The following COL24A1 variants were observed in gnomAD, a reference collection of about 807,000 sequenced individuals.
COL24A1 encodes the protein collagen alpha-1(XXIV) chain.
COL24A1 carries 224 observed loss-of-function variants against 253.9 expected under a neutral mutation model. The observed-to-expected ratio is 0.88, with a 90% CI of 0.79 to 0.99. The LOEUF (loss-of-function observed/expected upper bound fraction) is 0.99. COL24A1 is among the 50% of genes least tolerant of loss of function. COL24A1 has a pLI of 0.00. For missense variants in COL24A1, 2,131 were observed against 2,068.5 expected (o/e 1.03, Z -0.59); for synonymous variants, 685 against 673.7 (o/e 1.02, Z -0.26).
chr1:85,988,130 G>T (rs1693897660), intron 19 of COL24A1, among the ~76,000 whole-genome samples: 1 of 150,632 alleles, frequency 6.6e-6, no homozygotes. Flanking sequence ...CAAAATTATG[G>T]CTTAATATAC....
chr1:85,971,305 T>G, intron 21 of COL24A1, 35 bp downstream of exon 21: 1 of 1,590,910 alleles, frequency 6.3e-7, no homozygotes, highest in Non-Finnish European at 8.6e-7. Context: ...ACTAAAAACC[T>G]TGCTGAAGCT....
At chr1:85,839,844 T>C (rs2102232506) in intron 42 of COL24A1, among the ~76,000 whole-genome samples, 1 of 152,262 alleles carries the variant, frequency 6.6e-6, no homozygotes, top group East Asian at 1.9e-4. Context: ...TCCTGAATAT[T>C]TCTAATAGAA....
chr1:86,126,338 C>A, intron 2 of COL24A1, 124 bp from the exon 3 acceptor site: 1 of 769,080 alleles, frequency 1.3e-6, no homozygotes. Flanking sequence ...TAAGCATGTT[C>A]TATCAATAAC....
intron 5 of COL24A1, among the ~76,000 whole-genome samples, chr1:86,110,015 C>T (rs996896099): frequency 6.6e-6 from 1 of 152,166 alleles, no homozygotes; most frequent in South Asian, 2.1e-4. Context: ...CTTGGACTTC[C>T]CAGGCTCCAG....
At chr1:85,873,428 G>C (rs1321814171) in intron 35 of COL24A1, among the ~76,000 whole-genome samples, 4 of 152,076 alleles carry the variant, frequency 2.6e-5, no homozygotes, top group African/African-American at 9.7e-5. Flanking sequence ...GCAAAGACTT[G>C]GAACCAACCC....
At chr1:86,092,410 T>C in intron 5 of COL24A1, 90 bp from the exon 6 acceptor site, 1 of 880,510 alleles carries the variant, frequency 1.1e-6, no homozygotes, top group Non-Finnish European at 1.8e-6. Context: ...AGATGTTATA[T>C]ACATTATATG....
chr1:85,947,865 G>C (rs1182830780), intron 24 of COL24A1, among the ~76,000 whole-genome samples: 1 of 151,828 alleles, frequency 6.6e-6, no homozygotes, highest in Non-Finnish European at 1.5e-5. Flanking sequence ...CTCCACCACA[G>C]AAGTTTTATG....
chr1:86,075,382 A>T (rs1702176963), intron 7 of COL24A1, among the ~76,000 whole-genome samples: 1 of 152,190 alleles, frequency 6.6e-6, no homozygotes, highest in African/African-American at 2.4e-5. Flanking sequence ...ACGAGTTCTG[A>T]AATTGAGGCA....
chr1:85,768,224 C>A (rs1260378343), intron 53 of COL24A1, among the ~76,000 whole-genome samples: 1 of 151,532 alleles, frequency 6.6e-6, no homozygotes, highest in Non-Finnish European at 1.5e-5. Context: ...AATGGTACAT[C>A]AGGACACTGG....
At chr1:85,806,981 A>C (rs939044203) in intron 47 of COL24A1, among the ~76,000 whole-genome samples, 3 of 152,236 alleles carry the variant, frequency 2.0e-5, no homozygotes, top group Non-Finnish European at 4.4e-5. Flanking sequence ...TTCTATGCTA[A>C]GATAAGAGCA....
intron 43 of COL24A1, among the ~76,000 whole-genome samples, chr1:85,832,555 T>TGA (rs1163096200): frequency 6.6e-6 from 1 of 150,974 alleles, no homozygotes; most frequent in Non-Finnish European, 1.5e-5. Context: ...TTCCTACCCA[T>TGA]GAGCATGGAA....
chr1:86,059,228 G>T, intron 8 of COL24A1, 54 bp from the exon 9 acceptor site: 1 of 1,342,352 alleles, frequency 7.4e-7, no homozygotes, highest in Non-Finnish European at 1.0e-6. Context: ...AACAAATTTG[G>T]TATATTTACA....
At chr1:85,943,428 C>T (rs562941453) in intron 24 of COL24A1, among the ~76,000 whole-genome samples, 78 of 152,314 alleles carry the variant, frequency 5.1e-4, no homozygotes, top group Non-Finnish European at 8.1e-4. Context: ...TCTGAAGAAT[C>T]CTGACTAACA....
At position 86,055,850 on chromosome 1, in the gene COL24A1, C is replaced by T. The variant is rs188316172; in HGVS notation, c.1851+2081G>A. Among the ~76,000 whole-genome samples, 620 of 152,144 alleles carry T rather than the reference C, an allele frequency of 4.1e-3. 3 individuals are homozygous for T. Among genetic ancestry groups the T allele is most frequent in the African/African-American group, 0.011 (460 of 41,480 alleles). On this transcript the variant is annotated intron_variant, in intron 10 of 59. Coordinates refer to ENST00000370571, the MANE Select transcript of COL24A1 (RefSeq NM_152890.7). ...AAAAGAAGTATTAAGGGGCTGAGCA[C>T]GGTGGCTCACACCTGTAATCCCAGC...
At chr1:85,777,381 G>A (rs1439581547) in intron 52 of COL24A1, among the ~76,000 whole-genome samples, 2 of 151,912 alleles carry the variant, frequency 1.3e-5, no homozygotes, top group African/African-American at 2.4e-5. Flanking sequence ...ATACATTTAT[G>A]TATGTATGAG....
At chr1:85,940,819 G>A (rs1227115574) in intron 24 of COL24A1, among the ~76,000 whole-genome samples, 1 of 152,146 alleles carries the variant, frequency 6.6e-6, no homozygotes, top group African/African-American at 2.4e-5. Flanking sequence ...GAATATGCCT[G>A]GAATGTCTAC....
chr1:85,829,630 T>G (rs1674908510), intron 43 of COL24A1, among the ~76,000 whole-genome samples: 2 of 152,020 alleles, frequency 1.3e-5, no homozygotes, highest in Non-Finnish European at 2.9e-5. Flanking sequence ...TTCTTTTTAT[T>G]CTTTTCTCTC....
intron 20 of COL24A1, among the ~76,000 whole-genome samples, chr1:85,977,081 C>T (rs1322009606): frequency 6.6e-6 from 1 of 152,180 alleles, no homozygotes; most frequent in Admixed American, 6.5e-5. Flanking sequence ...CAGCCTGGAG[C>T]CTGGTAGCCC....
intron 10 of COL24A1, among the ~76,000 whole-genome samples, chr1:86,056,748 G>A (rs1157227421): frequency 6.6e-6 from 1 of 151,656 alleles, no homozygotes; most frequent in African/African-American, 2.4e-5. Context: ...CAGCTACTTG[G>A]AAGGCTGAGG....
Sources: gnomAD v4.1 joint callset for allele counts (sites outside exome capture counted in the v4.1 genomes callset) on GRCh38, gnomAD v4.1.1 for gene constraint, MANE v1.5 for transcripts, NCBI Gene and HGNC (gene_info 2026-07-23, HGNC 2026-07-21) for gene names.